GRID2IP: variants seen among roughly 807,000 people sequenced by gnomAD.
GRID2IP encodes the protein delphilin.
A neutral mutation model predicts 114.3 loss-of-function variants in GRID2IP; 78 were observed. That is an observed-to-expected ratio of 0.68 (90% CI 0.57 to 0.82). GRID2IP has a LOEUF of 0.82. Among genes scored for constraint, GRID2IP ranks in the 40% least tolerant of loss-of-function variants. GRID2IP has a pLI of 0.00. For missense variants in GRID2IP, 1,727 were observed against 1,678.5 expected (o/e 1.03, Z -0.51); for synonymous variants, 809 against 724.0 (o/e 1.12, Z -1.89).
In GRID2IP at chr7:6,510,713, G is replaced by C; in HGVS notation, c.1556-7C>G. The C allele has an allele frequency of 6.5e-7, 1 of 1,547,342 alleles. No homozygotes were observed. The highest frequency in any genetic ancestry group is 8.7e-7 in the Non-Finnish European group (1 of 1,144,512). ...TCAGGGCACTCGCTGGGACCTACCGGGGAATAATGTCATTACCGTATCTGA... is the reference window on the plus strand; with the variant it reads ...TCAGGGCACTCGCTGGGACCTACCGCGGAATAATGTCATTACCGTATCTGA... On this transcript the variant is annotated splice_region_variant and splice_polypyrimidine_tract_variant and intron_variant, in intron 9 of 21. Transcript: ENST00000457091.
At chr7:6,505,963 C>A in intron 13 of GRID2IP, 56 bp from the exon 14 acceptor site, 1 of 1,231,996 alleles carries the variant, frequency 8.1e-7, no homozygotes, top group Non-Finnish European at 1.2e-6. Flanking sequence ...CTGGACTGGC[C>A]TCCCACTTCC....
intron 20 of GRID2IP, 26 bp from the exon 21 acceptor site, chr7:6,498,254 G>A (rs960955367): frequency 1.3e-6 from 2 of 1,517,276 alleles, no homozygotes; most frequent in East Asian, 2.5e-5. Context: ...TAAGGAAACA[G>A]CCAGCCCGCT....
chr7:6,527,108 C>A (rs961845512), intron 2 of GRID2IP, among the ~76,000 whole-genome samples: 2 of 152,042 alleles, frequency 1.3e-5, no homozygotes, highest in South Asian at 2.1e-4. Flanking sequence ...CCTCTCCCCC[C>A]ACTCCCTCTG....
intron 2 of GRID2IP, chr7:6,531,007 C>A: frequency 1.6e-6 from 1 of 636,844 alleles, no homozygotes; most frequent in South Asian, 1.7e-5. Flanking sequence ...CAGCCCGAGG[C>A]GGATCCGTGG....
chr7:6,519,908 C>T lies in GRID2IP; in HGVS notation c.1268+670G>A, dbSNP rs545846530. ...CAGCTGAGGTCCAAAAAGAAAGACA[C>T]CAACCCTACCCCGAAGGGCCTAGCC... On this transcript the variant is annotated intron_variant, in intron 7 of 21. Transcript: ENST00000457091. The surrounding 1 kb of genome is among the most constrained non-coding windows in gnomAD (Gnocchi z 4.1). Among the ~76,000 whole-genome samples, 1 of 152,286 alleles carries T rather than the reference C, an allele frequency of 6.6e-6. No homozygotes were observed. The highest frequency in any genetic ancestry group is 2.4e-5 in the African/African-American group (1 of 41,556).
chr7:6,532,772 G>C lies in GRID2IP; in HGVS notation c.585-6003C>G, dbSNP rs994389401. Among the ~76,000 whole-genome samples the C allele has an allele frequency of 1.3e-5, 2 of 152,340 alleles. No homozygotes were observed. Among genetic ancestry groups the C allele is most frequent in the East Asian group, 1.9e-4 (1 of 5,186 alleles). ...AATCCAGAACCACACATGGCCAAAG[G>C]CTCTGAAAACCATCCACCGTGCTGT... On this transcript the variant is annotated intron_variant, in intron 2 of 21. Transcript: ENST00000457091. The surrounding 1 kb of genome is among the most constrained non-coding windows in gnomAD (Gnocchi z 4.4).
intron 1 of GRID2IP, among the ~76,000 whole-genome samples, chr7:6,548,651 T>TA (rs1031138898): frequency 8.6e-5 from 13 of 151,796 alleles, no homozygotes; most frequent in African/African-American, 3.1e-4. Flanking sequence ...GCCTGACCAA[T>TA]ATGGTGAAAC....
intron 7 of GRID2IP, among the ~76,000 whole-genome samples, chr7:6,518,883 A>T (rs1224896101): frequency 2.0e-5 from 3 of 151,850 alleles, no homozygotes; most frequent in Non-Finnish European, 4.4e-5. Context: ...TGAATAAGTT[A>T]GACACAAAAC....
At position 6,532,463 on chromosome 7, in the gene GRID2IP, G is replaced by A. The variant is rs10281887; in HGVS notation, c.585-5694C>T. Among the ~76,000 whole-genome samples, 4,029 of 152,238 alleles carry A rather than the reference G, an allele frequency of 0.026. 198 individuals carry two copies. Among genetic ancestry groups the A allele is most frequent in the African/African-American group, 0.091 (3,770 of 41,512 alleles). On this transcript the variant is annotated intron_variant, in intron 2 of 21. Transcript: ENST00000457091. This position sits in a 1 kb window ranked among gnomAD's most constrained non-coding sequence, Gnocchi z 4.4. ...ATCATCGGTCTCTGGTACTGTCCAC[G>A]CACTGCTCCCCAATACACTGCAGCC... is the stretch of plus-strand genomic sequence containing the variant.
In GRID2IP at chr7:6,526,537, G is replaced by A; in HGVS notation, c.817C>T (p.Pro273Ser). The part of the protein sequence containing the change: ...ASLLVGGLAG[P>S]GGARRTVRVY... Reference sequence around the variant, plus strand: ...CCCGCGTACCTGCGCGCGCCCCCGGGGCCGGCGAGGCCGCCCACCAGCAAG... The same window carrying A: ...CCCGCGTACCTGCGCGCGCCCCCGGAGCCGGCGAGGCCGCCCACCAGCAAG... The change falls in exon 3 of 22, where the codon CCC becomes TCC. Residue 273 changes from proline to serine, a missense_variant. Coordinates refer to ENST00000457091, the MANE Select transcript of GRID2IP (RefSeq NM_001145118.2). The surrounding 1 kb of genome is among the most constrained non-coding windows in gnomAD (Gnocchi z 7.6). The A allele has an allele frequency of 8.1e-7, 1 of 1,227,324 alleles. No individual in the cohort carries two copies. Among genetic ancestry groups the A allele is most frequent in the African/African-American group, 1.6e-5 (1 of 63,674 alleles). The allele number at this position is 1,227,324 out of a possible 1,614,324, so 76.0% of individuals were successfully genotyped here.
chr7:6,520,847 C>G lies in GRID2IP; in HGVS notation c.1085-86G>C. ...CTCCCTGGCTTTTGAGGTCAGGAGA[C>G]CTCCTGAGCTGGGGTGTGGCTGTCC... On this transcript the variant is annotated intron_variant, in intron 6 of 21. Transcript: ENST00000457091. The surrounding 1 kb of genome is among the most constrained non-coding windows in gnomAD (Gnocchi z 4.6). 1 of 1,285,554 alleles carries G rather than the reference C, an allele frequency of 7.8e-7. No individual in the cohort carries two copies. The allele number at this position is 1,285,554 out of a possible 1,614,324, so 79.6% of individuals were successfully genotyped here. A position where few individuals can be genotyped will look rare whatever the true frequency, so the allele number is the denominator to read the frequency against.
intron 15 of GRID2IP, 34 bp downstream of exon 15, chr7:6,504,759 C>A (rs1465371126): frequency 1.3e-6 from 2 of 1,518,984 alleles, no homozygotes; most frequent in Non-Finnish European, 1.8e-6. Flanking sequence ...CGCCGCCTGC[C>A]CCCTACACCC....
In GRID2IP at chr7:6,506,679, G is replaced by GT. The variant is rs750118370; in HGVS notation, c.2545-773dup. Among the ~76,000 whole-genome samples, 2,542 of 127,268 alleles carry GT rather than the reference G, an allele frequency of 0.02. 162 individuals carry two copies. Among genetic ancestry groups the GT allele is most frequent in the African/African-American group, 0.056 (1,963 of 35,284 alleles). 83.5% of individuals were successfully genotyped at this position (127,268 alleles called of 152,430 possible). A position where few individuals can be genotyped will look rare whatever the true frequency, so the allele number is the denominator to read the frequency against. ...TTATTTGTGCCCTTGTCTCACTGAG[G>GT]TATTTTTTTTTTTTTTTTTTTAGAT... is the stretch of plus-strand genomic sequence containing the variant. On this transcript the variant is annotated intron_variant, in intron 13 of 21. Transcript: ENST00000457091. This position sits in a 1 kb window ranked among gnomAD's most constrained non-coding sequence, Gnocchi z 5.2.
chr7:6,510,742 C>G, intron 9 of GRID2IP, 36 bp from the exon 10 acceptor site: 2 of 1,522,256 alleles, frequency 1.3e-6, no homozygotes, highest in South Asian at 1.2e-5. Flanking sequence ...TATCTGAGCT[C>G]TACGGCTCAG....
In GRID2IP at chr7:6,520,079, G is replaced by C. The variant is rs1424025989; in HGVS notation, c.1268+499C>G. ...TCACGAGGTCAGGAGTTTGAGACCA[G>C]CCTGACCAACATAGTGAAACCCTGT... On this transcript the variant is annotated intron_variant, in intron 7 of 21. Coordinates refer to ENST00000457091, the MANE Select transcript of GRID2IP (RefSeq NM_001145118.2). The surrounding 1 kb of genome is among the most constrained non-coding windows in gnomAD (Gnocchi z 4.6). Among the ~76,000 whole-genome samples, 1 of 152,092 alleles carries C rather than the reference G, an allele frequency of 6.6e-6. No individual in the cohort carries two copies. The highest frequency in any genetic ancestry group is 1.5e-5 in the Non-Finnish European group (1 of 68,022).
chr7:6,530,927 C>T, intron 2 of GRID2IP: 1 of 481,892 alleles, frequency 2.1e-6, no homozygotes, highest in Non-Finnish European at 3.7e-6. Flanking sequence ...TCGGGCTCCG[C>T]CCAGGCTCGG....
At chr7:6,524,139 G>C (rs1244111436) in intron 4 of GRID2IP, among the ~76,000 whole-genome samples, 3 of 152,170 alleles carry the variant, frequency 2.0e-5, no homozygotes, top group Non-Finnish European at 4.4e-5. Context: ...TGGGACTACT[G>C]GCCTCAGTTT....
In GRID2IP at chr7:6,506,460, A is replaced by G. The variant is rs147378543; in HGVS notation, c.2545-553T>C. Among the ~76,000 whole-genome samples the G allele has an allele frequency of 6.4e-3, 974 of 152,320 alleles. 10 individuals carry two copies. The highest frequency in any genetic ancestry group is 0.011 in the African/African-American group (470 of 41,586). On this transcript the variant is annotated intron_variant, in intron 13 of 21. Coordinates refer to ENST00000457091, the MANE Select transcript of GRID2IP (RefSeq NM_001145118.2). The surrounding 1 kb of genome is among the most constrained non-coding windows in gnomAD (Gnocchi z 5.2). ...AAGGGAGAGAACCCAAAGGGAGGGC[A>G]GGCAGGGGAATGAAGTCTTAGAACA...
Position 6,526,374 on chromosome 7 carries a change from A to G in GRID2IP, c.834-65T>C. ...GGGCCCTGGGGCGCAGAGGTTGGAG[A>G]TGTCCCGTGTCCCTCTCCCCTTAAC... On this transcript the variant is annotated intron_variant, in intron 3 of 21. Coordinates refer to ENST00000457091, the MANE Select transcript of GRID2IP (RefSeq NM_001145118.2). This position sits in a 1 kb window ranked among gnomAD's most constrained non-coding sequence, Gnocchi z 7.6. 4 of 1,513,970 alleles carry G rather than the reference A, an allele frequency of 2.6e-6. No individual in the cohort carries two copies. The highest frequency in any genetic ancestry group is 3.6e-6 in the Non-Finnish European group (4 of 1,116,012). The allele number at this position is 1,513,970 out of a possible 1,614,324, so 93.8% of individuals were successfully genotyped here. A position where few individuals can be genotyped will look rare whatever the true frequency, so the allele number is the denominator to read the frequency against.
Sources: gnomAD v4.1 joint callset for allele counts (sites outside exome capture counted in the v4.1 genomes callset) on GRCh38, gnomAD v4.1.1 for gene constraint, Gnocchi (gnomAD v3.1) non-coding constraint, MANE v1.5 for transcripts, NCBI Gene and HGNC (gene_info 2026-07-23, HGNC 2026-07-21) for gene names.